The following COL5A1 variants were observed in gnomAD, a reference collection of about 807,000 sequenced individuals.
COL5A1 encodes the protein collagen type V alpha 1 chain, also known as collagen alpha-1(V) chain.
Under a neutral mutation model 263.7 loss-of-function variants are expected in COL5A1, and 16 were observed. The ratio of observed to expected loss-of-function variants is 0.06; its 90% CI spans 0.04 to 0.09. COL5A1 has a LOEUF of 0.09. COL5A1 is among the 10% of genes least tolerant of loss of function. The pLI, the probability that COL5A1 is intolerant of heterozygous loss-of-function variation, is 1.00. For missense variants in COL5A1, 2,036 were observed against 2,540.5 expected, an observed-to-expected ratio of 0.80 and a Z score of 4.27; for synonymous variants, 1,012 against 1,004.5, an observed-to-expected ratio of 1.01 and a Z score of -0.14.
At chr9:134,822,589 C>T (rs1399100368) in intron 59 of COL5A1, among the ~76,000 whole-genome samples, 2 of 152,110 alleles carry the variant, frequency 1.3e-5, no homozygotes, top group African/African-American at 2.4e-5. Context: ...CCCACAGCCG[C>T]TGGGCTGCAG....
chr9:134,767,419 C>G, intron 24 of COL5A1, 65 bp downstream of exon 24: 1 of 1,464,254 alleles, frequency 6.8e-7, no homozygotes, highest in Non-Finnish European at 9.6e-7. Flanking sequence ...TGGCCCCACC[C>G]TGGGAGGACC....
At chr9:134,739,893 C>T (rs1205122217) in intron 11 of COL5A1, among the ~76,000 whole-genome samples, 4 of 152,282 alleles carry the variant, frequency 2.6e-5, no homozygotes, top group Non-Finnish European at 5.9e-5. Context: ...GATGGGAGCA[C>T]TGAGGCCGGC....
chr9:134,753,884 C>T lies in COL5A1; in HGVS notation c.1754C>T (p.Pro585Leu), dbSNP rs530442560. 56 of 1,613,594 alleles carry T rather than the reference C, an allele frequency of 3.5e-5. No individual in the cohort carries two copies. Among genetic ancestry groups the T allele is most frequent in the African/African-American group, 1.5e-4 (11 of 74,890 alleles). ...GGGAGCGGAGGTTTGAAGGGCGAGCCGGGAGACGTGGGGCCTCAGGTATGT... is the reference window on the plus strand; with the variant it reads ...GGGAGCGGAGGTTTGAAGGGCGAGCTGGGAGACGTGGGGCCTCAGGTATGT... ...PPGSGGLKGEPGDVGPQGPRG... is the reference protein window; with the variant it reads ...PPGSGGLKGELGDVGPQGPRG... Residue 585 changes from proline to leucine, a missense_variant, in exon 15 of 66, where the codon CCG (proline) becomes CTG (leucine). Transcript: ENST00000371817.
At chr9:134,826,377 A>G (rs1008546952) in intron 63 of COL5A1, among the ~76,000 whole-genome samples, 1 of 152,160 alleles carries the variant, frequency 6.6e-6, no homozygotes, top group African/African-American at 2.4e-5. Flanking sequence ...TTTGTTTTGA[A>G]GTCTGTTTAG....
rs1838991102 is a variant in COL5A1 at position 134,821,312 on chromosome 9, G to A, written c.4555-785G>A. On this transcript the variant is annotated intron_variant, in intron 58 of 65. Coordinates refer to ENST00000371817, the MANE Select transcript of COL5A1 (RefSeq NM_000093.5). This position sits in a 1 kb window ranked among gnomAD's most constrained non-coding sequence, Gnocchi z 4.2. ...CATTGCTGATGAAGGTGTCGGGTTG[G>A]TGTGCAGGCTTGGGTAGTTGTGGGG... Among the ~76,000 whole-genome samples the A allele has an allele frequency of 2.0e-5, 3 of 152,198 alleles. No individual in the cohort carries two copies. Among genetic ancestry groups the A allele is most frequent in the Admixed American group, 2.0e-4 (3 of 15,284 alleles).
At chr9:134,820,587 C>T (rs533451552) in intron 58 of COL5A1, among the ~76,000 whole-genome samples, 108 of 152,232 alleles carry the variant, frequency 7.1e-4, no homozygotes, top group African/African-American at 2.5e-3. Context: ...GACAACCAGC[C>T]GTGTTTGCCA....
intron 4 of COL5A1, among the ~76,000 whole-genome samples, 157 bp from the exon 5 acceptor site, chr9:134,727,109 G>C (rs1478177643): frequency 6.6e-6 from 1 of 152,020 alleles, no homozygotes; most frequent in African/African-American, 2.4e-5. Context: ...TCTTTTGTGA[G>C]TGGCAGCTTC....
At chr9:134,781,580 C>G (rs941269479) in intron 28 of COL5A1, among the ~76,000 whole-genome samples, 5 of 152,210 alleles carry the variant, frequency 3.3e-5, no homozygotes, top group African/African-American at 1.2e-4. Context: ...GACAGGGCTG[C>G]CTGAGATGAT....
At chr9:134,734,800 C>T (rs1228680012) in intron 9 of COL5A1, among the ~76,000 whole-genome samples, 1 of 152,242 alleles carries the variant, frequency 6.6e-6, no homozygotes, top group African/African-American at 2.4e-5. Flanking sequence ...ATCACCATCT[C>T]CACTTGACAC....
intron 29 of COL5A1, among the ~76,000 whole-genome samples, chr9:134,784,248 A>C (rs114917278): frequency 6.6e-5 from 10 of 152,244 alleles, no homozygotes; most frequent in African/African-American, 2.4e-4. Context: ...ATTTTTCTCT[A>C]TCTGAGCAAT....
At chr9:134,723,080 T>A (rs1834522190) in intron 4 of COL5A1, among the ~76,000 whole-genome samples, 1 of 152,132 alleles carries the variant, frequency 6.6e-6, no homozygotes, top group Admixed American at 6.5e-5. Flanking sequence ...CCTTTGTGGG[T>A]CACAGCCCCC....
chr9:134,706,143 C>T (rs73664107), intron 4 of COL5A1, among the ~76,000 whole-genome samples: 1,983 of 152,252 alleles, frequency 0.013, 43 homozygotes, highest in African/African-American at 0.045. Flanking sequence ...GTTCCCAGGG[C>T]GAGTATGCCG....
intron 4 of COL5A1, 46 bp from the exon 5 acceptor site, chr9:134,727,220 G>A (rs371586058): frequency 1.2e-5 from 19 of 1,609,146 alleles, no homozygotes; most frequent in Middle Eastern, 2.1e-4. Flanking sequence ...GTCCCCATGC[G>A]AGTGCTCTGT....
chr9:134,743,047 C>T (rs762373992), intron 11 of COL5A1, among the ~76,000 whole-genome samples: 15 of 152,184 alleles, frequency 9.9e-5, no homozygotes, highest in Non-Finnish European at 1.8e-4. Context: ...TACATCCATT[C>T]GCGTGTGTGC....
rs1044383544 is a variant in COL5A1, at chr9:134,755,713, C to G, written c.1828-1052C>G. On this transcript the variant is annotated intron_variant, in intron 16 of 65. Transcript: ENST00000371817. The surrounding 1 kb of genome is among the most constrained non-coding windows in gnomAD (Gnocchi z 4.1). ...AATCTAGAAGAGGCTCCCAATGGGCCCCTCCATTTGCCCAACAGGGCGATG... is the reference window on the plus strand; with the variant it reads ...AATCTAGAAGAGGCTCCCAATGGGCGCCTCCATTTGCCCAACAGGGCGATG... Among the ~76,000 whole-genome samples, 10 of 152,244 alleles carry G rather than the reference C, an allele frequency of 6.6e-5. No individual in the cohort carries two copies. Among genetic ancestry groups the G allele is most frequent in the African/African-American group, 2.4e-4 (10 of 41,468 alleles).
chr9:134,834,523 C>T (rs1355270705), intron 64 of COL5A1, among the ~76,000 whole-genome samples: 1 of 152,292 alleles, frequency 6.6e-6, no homozygotes, highest in Admixed American at 6.5e-5. Flanking sequence ...CACTGGGCAG[C>T]CATGGGGCGG....
At chr9:134,666,347 T>C (rs533738069) in intron 1 of COL5A1, among the ~76,000 whole-genome samples, 1 of 152,232 alleles carries the variant, frequency 6.6e-6, no homozygotes, top group South Asian at 2.1e-4. Context: ...GTCCCTGGGC[T>C]CAGCACAGGC....
At position 134,821,395 on chromosome 9, in the gene COL5A1, G is replaced by A. The variant is rs10120487; in HGVS notation, c.4555-702G>A. Among the ~76,000 whole-genome samples the A allele has an allele frequency of 0.077, 11,666 of 152,138 alleles. 1,332 individuals carry two copies. Among genetic ancestry groups the A allele is most frequent in the African/African-American group, 0.24 (10,098 of 41,448 alleles). On this transcript the variant is annotated intron_variant, in intron 58 of 65. Transcript: ENST00000371817. This position sits in a 1 kb window ranked among gnomAD's most constrained non-coding sequence, Gnocchi z 4.2. ...AGGGACAAGGTGAAGGGAGGGAAGC[G>A]CTCCCTCCCCAGTGAAATACGGCCA...
chr9:134,680,063 T>A lies in COL5A1; in HGVS notation c.110-10849T>A, dbSNP rs1832808676. 6.6e-6 allele frequency among the ~76,000 whole-genome samples: 1 copy of A among 151,996 alleles called. No individual in the cohort carries two copies. The highest frequency in any genetic ancestry group is 1.5e-5 in the Non-Finnish European group (1 of 67,974). ...TAGATCCTTTGCACAGAGAATCTCATAATAAGCAATGCAGTGAGAGCAGTG... is the reference window on the plus strand; with the variant it reads ...TAGATCCTTTGCACAGAGAATCTCAAAATAAGCAATGCAGTGAGAGCAGTG... On this transcript the variant is annotated intron_variant, in intron 1 of 65. Coordinates refer to ENST00000371817, the MANE Select transcript of COL5A1 (RefSeq NM_000093.5). The surrounding 1 kb of genome is among the most constrained non-coding windows in gnomAD (Gnocchi z 5.9).
Sources: allele counts gnomAD v4.1 joint callset (sites outside exome capture counted in the v4.1 genomes callset), GRCh38; gene constraint gnomAD v4.1.1; non-coding constraint Gnocchi (gnomAD v3.1); transcripts MANE v1.5; gene names NCBI Gene and HGNC (gene_info 2026-07-23, HGNC 2026-07-21).